The following GPC5 variants were observed in gnomAD, a reference collection of about 807,000 sequenced individuals.
GPC5 encodes the protein glypican-5.
GPC5 carries 47 observed loss-of-function variants against 53.9 expected under a neutral mutation model. The ratio of observed to expected loss-of-function variants is 0.87; its 90% CI spans 0.69 to 1.11. The LOEUF (loss-of-function observed/expected upper bound fraction) is 1.11, where lower values mean the gene tolerates loss of function less well. GPC5 is among the 50% of genes most tolerant of loss of function. GPC5 has a pLI of 0.00. For missense variants in GPC5, 748 were observed against 713.1 expected (o/e 1.05, Z -0.56); for synonymous variants, 286 against 263.3 (o/e 1.09, Z -0.84).
At chr13:92,658,687 A>G (rs74107088) in intron 7 of GPC5, among the ~76,000 whole-genome samples, 2,685 of 151,786 alleles carry the variant, frequency 0.018, 81 homozygotes, top group African/African-American at 0.062. Flanking sequence ...AGGAAGAGAT[A>G]GGCATTTCAG....
intron 5 of GPC5, among the ~76,000 whole-genome samples, chr13:91,787,870 ACT>A (rs1319398729): frequency 6.6e-6 from 1 of 152,206 alleles, no homozygotes; most frequent in Non-Finnish European, 1.5e-5. Flanking sequence ...AAATGACAGT[ACT>A]TACATTTAAA....
chr13:91,634,297 G>A (rs921688099), intron 2 of GPC5, among the ~76,000 whole-genome samples: 6 of 151,990 alleles, frequency 3.9e-5, no homozygotes, highest in African/African-American at 1.2e-4. Context: ...TCAAGATTTC[G>A]AATGACAACT....
At chr13:91,843,956 T>C (rs2038819661) in intron 5 of GPC5, among the ~76,000 whole-genome samples, 1 of 152,016 alleles carries the variant, frequency 6.6e-6, no homozygotes, top group South Asian at 2.1e-4. Context: ...CTTTAATAGA[T>C]AAAGAACACA....
chr13:91,946,027 G>T (rs1045637800), intron 6 of GPC5, among the ~76,000 whole-genome samples: 1 of 152,166 alleles, frequency 6.6e-6, no homozygotes, highest in Middle Eastern at 3.4e-3. Context: ...GTGGTCGGGG[G>T]CGGGGGCTTC....
intron 6 of GPC5, among the ~76,000 whole-genome samples, chr13:91,953,259 A>C (rs1382574327): frequency 1.3e-5 from 2 of 152,162 alleles, no homozygotes; most frequent in African/African-American, 4.8e-5. Context: ...GGACCTGATG[A>C]ATATTTAGAA....
chr13:92,425,925 A>T (rs1876811475), intron 7 of GPC5, among the ~76,000 whole-genome samples: 1 of 152,116 alleles, frequency 6.6e-6, no homozygotes, highest in Non-Finnish European at 1.5e-5. Flanking sequence ...AATATTTCTA[A>T]TATCATATTT....
intron 7 of GPC5, among the ~76,000 whole-genome samples, chr13:92,330,080 G>T (rs2043278432): frequency 6.6e-6 from 1 of 152,060 alleles, no homozygotes; most frequent in Non-Finnish European, 1.5e-5. Context: ...TGGAGTTGTT[G>T]GAAAGCTGAT....
chr13:91,970,915 G>A (rs2040235671), intron 6 of GPC5, among the ~76,000 whole-genome samples: 2 of 152,164 alleles, frequency 1.3e-5, no homozygotes, highest in Admixed American at 1.3e-4. Flanking sequence ...AAGGATATTG[G>A]TCTAAAGTTC....
At chr13:91,657,584 T>C (rs11616549) in intron 2 of GPC5, among the ~76,000 whole-genome samples, 3 of 151,700 alleles carry the variant, frequency 2.0e-5, no homozygotes, top group South Asian at 2.1e-4. Context: ...AAAACATGGA[T>C]ATTGAGAGAC....
chr13:92,418,068 A>T lies in GPC5; in HGVS notation c.1561+273079A>T, dbSNP rs550072434. On this transcript the variant is annotated intron_variant, in intron 7 of 7. Transcript: ENST00000377067. The stretch of plus-strand genomic sequence containing the variant: ...AAAGACAGAAAAGGTCAAATATATG[A>T]TTCTATTTATATACATTTTTAGAAT... Among the ~76,000 whole-genome samples the T allele has an allele frequency of 2.0e-5, 3 of 152,344 alleles. No homozygotes were observed. The South Asian group carries it at 6.2e-4, about 32-fold the overall frequency.
At chr13:91,684,642 T>C (rs145845445) in intron 2 of GPC5, among the ~76,000 whole-genome samples, 1 of 152,328 alleles carries the variant, frequency 6.6e-6, no homozygotes, top group Non-Finnish European at 1.5e-5. Flanking sequence ...CTGTCACCCA[T>C]ACTGTTAGCA....
At chr13:92,061,563 A>T (rs2041124040) in intron 6 of GPC5, among the ~76,000 whole-genome samples, 1 of 152,096 alleles carries the variant, frequency 6.6e-6, no homozygotes, top group Non-Finnish European at 1.5e-5. Context: ...ATCAAGTTTT[A>T]AAAGTTAATA....
chr13:92,736,573 C>G (rs1252890501), intron 7 of GPC5, among the ~76,000 whole-genome samples: 1 of 151,904 alleles, frequency 6.6e-6, no homozygotes, highest in Non-Finnish European at 1.5e-5. Context: ...CTTTCTCAAA[C>G]AAGCTGTCCC....
intron 1 of GPC5, among the ~76,000 whole-genome samples, chr13:91,441,975 A>C (rs549221144): frequency 6.6e-6 from 1 of 152,350 alleles, no homozygotes; most frequent in Admixed American, 6.5e-5. Flanking sequence ...CCATCAATAA[A>C]GCTAACATGT....
intron 6 of GPC5, among the ~76,000 whole-genome samples, chr13:91,942,046 T>C (rs2039932199): frequency 6.6e-6 from 1 of 152,070 alleles, no homozygotes; most frequent in African/African-American, 2.4e-5. Flanking sequence ...CTATAATTAA[T>C]TTTTTTGGTG....
intron 7 of GPC5, among the ~76,000 whole-genome samples, chr13:92,463,932 T>C (rs1298694562): frequency 6.6e-6 from 1 of 152,144 alleles, no homozygotes; most frequent in Non-Finnish European, 1.5e-5. Flanking sequence ...ACTTGGTTTT[T>C]GTCATCTTAT....
intron 7 of GPC5, among the ~76,000 whole-genome samples, chr13:92,697,033 C>G (rs1478251338): frequency 6.6e-6 from 1 of 151,632 alleles, no homozygotes; most frequent in Non-Finnish European, 1.5e-5. Context: ...TTTCTGAGGC[C>G]TCTGTTCTGT....
intron 1 of GPC5, among the ~76,000 whole-genome samples, chr13:91,418,697 A>T (rs547049889): frequency 1.8e-4 from 28 of 152,136 alleles, no homozygotes; most frequent in Non-Finnish European, 3.4e-4. Context: ...AAAGCCCTGG[A>T]AGATCTTTTA....
chr13:92,008,871 C>G (rs1476465355), intron 6 of GPC5, among the ~76,000 whole-genome samples: 1 of 151,444 alleles, frequency 6.6e-6, no homozygotes, highest in Non-Finnish European at 1.5e-5. Context: ...TCCTTTTTTT[C>G]TCTATGTGCT....
Sources: gnomAD v4.1 joint callset for allele counts (sites outside exome capture counted in the v4.1 genomes callset) on GRCh38, gnomAD v4.1.1 for gene constraint, MANE v1.5 for transcripts, NCBI Gene and HGNC (gene_info 2026-07-23, HGNC 2026-07-21) for gene names.